The following UNC13C variants were observed in gnomAD, a reference collection of about 807,000 sequenced individuals.
UNC13C encodes the protein protein unc-13 homolog C.
Under a neutral mutation model 245.4 loss-of-function variants are expected in UNC13C, and 174 were observed. That is an observed-to-expected ratio of 0.71 (90% CI 0.63 to 0.80). The LOEUF is 0.80. UNC13C is among the 30% of genes least tolerant of loss of function. The pLI, the probability that UNC13C is intolerant of heterozygous loss-of-function variation, is 0.00. For synonymous variants in UNC13C, 992 were observed against 895.1 expected, an observed-to-expected ratio of 1.11 and a Z score of -1.93; for missense variants, 2,829 against 2,602.9, an observed-to-expected ratio of 1.09 and a Z score of -1.89.
intron 18 of UNC13C, among the ~76,000 whole-genome samples, chr15:54,394,320 C>CTTCTCCCTTTTCCCCT (rs1307048490): frequency 1.3e-5 from 2 of 151,812 alleles, no homozygotes; most frequent in Admixed American, 1.3e-4. Flanking sequence ...CTTTCACTTT[C>CTTCTCCCTTTTCCCCT]TTCTCCCTTT....
At chr15:54,138,953 A>ATTTTTTTTTTTTT (rs56255946) in intron 2 of UNC13C, among the ~76,000 whole-genome samples, 4,052 of 48,604 alleles carry the variant, frequency 0.083, 1,367 homozygotes, top group Non-Finnish European at 0.1. Context: ...ATTTCCCCTA[A>ATTTTTTTTTTTTT]TTTTTTTTTT....
At chr15:53,968,167 A>G in the UNC13C span, 1 of 152,170 alleles carries the variant, frequency 6.6e-6, no homozygotes, top group East Asian at 1.9e-4. Context: ...ATGAAGGGAA[A>G]GGTGATCCAA....
At chr15:53,930,816 C>T in the UNC13C span, among the ~76,000 whole-genome samples, 1 of 152,156 alleles carries the variant, frequency 6.6e-6, no homozygotes, top group African/African-American at 2.4e-5. Flanking sequence ...GACATAGTTG[C>T]TTCCCTCATG....
chr15:54,532,386 C>T lies in UNC13C; in HGVS notation c.5547-531C>T, dbSNP rs558918082. Among the ~76,000 whole-genome samples the T allele has an allele frequency of 2.6e-5, 4 of 152,308 alleles. No individual in the cohort carries two copies. In the South Asian group the frequency reaches 8.3e-4, roughly 32 times the overall value. On this transcript the variant is annotated intron_variant, in intron 25 of 32. Coordinates refer to ENST00000260323, the MANE Select transcript of UNC13C (RefSeq NM_001080534.3). ...ATAAAGACACATGCATGCATATGCT[C>T]ATTGCAACACTATTCACAATAGCAA...
chr15:54,003,211 G>A (rs1166365818), intron 1 of UNC13C, among the ~76,000 whole-genome samples: 2 of 152,090 alleles, frequency 1.3e-5, no homozygotes, highest in Non-Finnish European at 2.9e-5. Context: ...AAAGTGGGAG[G>A]GGGCTTGTTT....
chr15:54,292,089 A>G (rs998058168), intron 10 of UNC13C, among the ~76,000 whole-genome samples: 1 of 151,958 alleles, frequency 6.6e-6, no homozygotes, highest in Non-Finnish European at 1.5e-5. Flanking sequence ...GACACAGGTG[A>G]TGTAATTTTT....
chr15:53,993,603 G>A (rs568560313), intron 1 of UNC13C, among the ~76,000 whole-genome samples: 3 of 152,166 alleles, frequency 2.0e-5, no homozygotes, highest in African/African-American at 7.2e-5. Context: ...GAGTATCAGG[G>A]ATATTCAGAA....
At chr15:53,968,142 T>A in the UNC13C span, 3 of 152,176 alleles carry the variant, frequency 2.0e-5, no homozygotes, top group Non-Finnish European at 4.4e-5. Flanking sequence ...AGAAAAATTG[T>A]CCTTGTACCT....
chr15:54,100,841 C>T (rs1358204558), intron 2 of UNC13C, among the ~76,000 whole-genome samples: 1 of 152,008 alleles, frequency 6.6e-6, no homozygotes, highest in Non-Finnish European at 1.5e-5. Context: ...TTAAGCTTCT[C>T]CCTGCTTCAT....
At chr15:54,552,479 ATAATT>A (rs1244682168) in intron 28 of UNC13C, among the ~76,000 whole-genome samples, 13 of 41,966 alleles carry the variant, frequency 3.1e-4, no homozygotes, top group African/African-American at 1.7e-3. Flanking sequence ...AATATATAAT[ATAATT>A]ATATATTATA....
the UNC13C span, among the ~76,000 whole-genome samples, chr15:53,859,649 T>C: frequency 9.9e-4 from 149 of 150,020 alleles, no homozygotes; most frequent in Non-Finnish European, 1.1e-3. Context: ...CACACACTCA[T>C]ATTTAGTTTT....
At chr15:54,178,933 T>C (rs961266) in intron 4 of UNC13C, among the ~76,000 whole-genome samples, 22,478 of 152,052 alleles carry the variant, frequency 0.15, 2,131 homozygotes, top group Middle Eastern at 0.24. Context: ...AATTTGGAAA[T>C]AGCATGGAAT....
chr15:54,424,529 G>T (rs1405497540), intron 19 of UNC13C, among the ~76,000 whole-genome samples: 5 of 151,862 alleles, frequency 3.3e-5, no homozygotes, highest in African/African-American at 1.2e-4. Context: ...AAATTGAGGA[G>T]AAGGGGAAAG....
intron 10 of UNC13C, among the ~76,000 whole-genome samples, chr15:54,280,979 G>A (rs1005765357): frequency 1.3e-5 from 2 of 151,770 alleles, no homozygotes. Context: ...TGTATGTTTA[G>A]TAGAGATGAG....
At chr15:53,969,891 CA>C in the UNC13C span, among the ~76,000 whole-genome samples, 10 of 152,080 alleles carry the variant, frequency 6.6e-5, no homozygotes, top group Non-Finnish European at 1.2e-4. Flanking sequence ...TTGCTCCTGA[CA>C]ACCACTCTTC....
the UNC13C span, among the ~76,000 whole-genome samples, chr15:53,936,280 GTGGGACCCTGATCCATCCCTCATCAC>G: frequency 6.6e-6 from 1 of 152,144 alleles, no homozygotes; most frequent in Admixed American, 6.5e-5. Flanking sequence ...GCTCCTTTAA[GTGGGACCCTGATCCATCCCTCATCAC>G]TGGGTAGGGG....
At chr15:54,190,118 C>T (rs951244304) in intron 4 of UNC13C, among the ~76,000 whole-genome samples, 11 of 152,100 alleles carry the variant, frequency 7.2e-5, no homozygotes, top group African/African-American at 2.7e-4. Flanking sequence ...TTGGTCCCTG[C>T]AGATGGCTTA....
intron 16 of UNC13C, among the ~76,000 whole-genome samples, chr15:54,337,101 T>C (rs543334029): frequency 7.2e-5 from 11 of 152,302 alleles, no homozygotes; most frequent in Admixed American, 1.3e-4. Flanking sequence ...AAAAATAATT[T>C]GTCAACATCT....
At chr15:54,517,277 T>C (rs953521188) in intron 24 of UNC13C, among the ~76,000 whole-genome samples, 1 of 152,140 alleles carries the variant, frequency 6.6e-6, no homozygotes, top group Non-Finnish European at 1.5e-5. Context: ...GATAGTAAAA[T>C]AGACAATTTC....
Sources: gnomAD v4.1 joint callset for allele counts (sites outside exome capture counted in the v4.1 genomes callset) on GRCh38, gnomAD v4.1.1 for gene constraint, MANE v1.5 for transcripts, NCBI Gene and HGNC (gene_info 2026-07-23, HGNC 2026-07-21) for gene names.